Variants in IFT57 observed in about 807,000 individuals in gnomAD.
IFT57 encodes the protein intraflagellar transport 57.
IFT57 carries 59 observed loss-of-function variants against 56.8 expected under a neutral mutation model. The ratio of observed to expected loss-of-function variants is 1.04; its 90% CI spans 0.84 to 1.29. The LOEUF is 1.29. Among genes scored for constraint, IFT57 ranks in the 50% most tolerant of loss-of-function variants. The pLI is 0.00. For synonymous variants in IFT57, 209 were observed against 186.1 expected (o/e 1.12, Z -1.00); for missense variants, 470 against 522.1 (o/e 0.90, Z 0.97).
intron 6 of IFT57, among the ~76,000 whole-genome samples, chr3:108,189,760 G>C (rs2080204693): frequency 7.4e-6 from 1 of 135,158 alleles, no homozygotes; most frequent in Admixed American, 7.3e-5. Flanking sequence ...CAGTAGTTTT[G>C]ACTCCTCAAA....
chr3:108,221,049 G>A (rs1054455479), intron 1 of IFT57, among the ~76,000 whole-genome samples: 1 of 152,132 alleles, frequency 6.6e-6, no homozygotes, highest in African/African-American at 2.4e-5. Context: ...AATAATCCCA[G>A]GACTACCTTT....
chr3:108,202,709 C>A, intron 5 of IFT57, among the ~76,000 whole-genome samples: 1 of 152,144 alleles, frequency 6.6e-6, no homozygotes, highest in South Asian at 2.1e-4. Context: ...TCACTAATTG[C>A]AGTTGTTGGC....
At position 108,222,120 on chromosome 3, in the gene IFT57, G is replaced by T; in HGVS notation, c.203C>A (p.Ala68Asp). ...EEFLRKSNLK[A>D]PSRHYFALPT... is the part of the protein sequence containing the mutation. ...GGACGCCGGCACCCACCTGGACGGG[G>T]CCTTCAGGTTGCTCTTCCGGAGGAA... Residue 68 changes from alanine (A) to aspartate (D), a missense_variant, in exon 1 of 11, where the codon GCC becomes GAC. Transcript: ENST00000264538. The T allele has an allele frequency of 6.2e-7, 1 of 1,603,434 alleles. No individual in the cohort carries two copies. Among genetic ancestry groups the T allele is most frequent in the Middle Eastern group, 1.7e-4 (1 of 6,048 alleles).
chr3:108,214,051 T>C, intron 3 of IFT57, 30 bp from the exon 4 acceptor site: 2 of 1,253,818 alleles, frequency 1.6e-6, no homozygotes, highest in Non-Finnish European at 2.3e-6. Context: ...CATGAGGTGA[T>C]AATTTTAATA....
intron 5 of IFT57, among the ~76,000 whole-genome samples, chr3:108,193,375 C>T (rs1164830983): frequency 2.6e-5 from 4 of 152,214 alleles, no homozygotes; most frequent in Non-Finnish European, 5.9e-5. Context: ...AAAGCCTATA[C>T]TGCTTTTTGT....
intron 6 of IFT57, among the ~76,000 whole-genome samples, chr3:108,182,911 G>GA (rs1398668732): frequency 6.6e-6 from 1 of 151,866 alleles, no homozygotes; most frequent in Non-Finnish European, 1.5e-5. Flanking sequence ...TTATAATTTG[G>GA]AAAAAATCTA....
At chr3:108,192,196 AGG>A (rs1274872648) in intron 5 of IFT57, among the ~76,000 whole-genome samples, 3 of 130,552 alleles carry the variant, frequency 2.3e-5, no homozygotes, top group Non-Finnish European at 5.0e-5. Context: ...AAAAAAAAAA[AGG>A]GAAACACTTA....
chr3:108,204,506 G>T (rs1412496884), intron 5 of IFT57, among the ~76,000 whole-genome samples: 5 of 152,148 alleles, frequency 3.3e-5, no homozygotes, highest in Non-Finnish European at 7.4e-5. Flanking sequence ...TGTCCAGAAG[G>T]AATCCCAGGT....
chr3:108,183,876 C>T (rs1576036681), intron 6 of IFT57, among the ~76,000 whole-genome samples: 2 of 152,080 alleles, frequency 1.3e-5, no homozygotes, highest in East Asian at 1.9e-4. Context: ...TATGCATTCA[C>T]CTTTTCTATT....
rs2108305532 is a variant in IFT57 at position 108,161,279 on chromosome 3, A to G, written c.*1198T>C. 1 of 151,136 alleles carries G rather than the reference A, an allele frequency of 6.6e-6. No individual in the cohort carries two copies. The highest frequency in any genetic ancestry group is 1.5e-5 in the Non-Finnish European group (1 of 67,710). 9.4% of individuals were successfully genotyped at this position (151,136 alleles called of 1,614,324 possible). A position where few individuals can be genotyped will look rare whatever the true frequency, so the allele number is the denominator to read the frequency against. On this transcript the variant is annotated 3_prime_UTR_variant, in exon 11 of 11. Transcript: ENST00000264538. ...CATATTTGTCATTGTATTGATTGTC[A>G]TCCTTTCAGGTAGTTTACATACACT...
intron 8 of IFT57, among the ~76,000 whole-genome samples, chr3:108,166,440 TG>T (rs2080063387): frequency 6.6e-6 from 1 of 151,156 alleles, no homozygotes; most frequent in African/African-American, 2.4e-5. Flanking sequence ...CCTTATTATG[TG>T]GTTGTAAGCC....
chr3:108,175,658 T>A (rs2080120074), intron 6 of IFT57, among the ~76,000 whole-genome samples: 2 of 151,802 alleles, frequency 1.3e-5, no homozygotes, highest in South Asian at 4.1e-4. Flanking sequence ...TGTCTAGATC[T>A]CCAACTCAAT....
intron 4 of IFT57, among the ~76,000 whole-genome samples, chr3:108,209,408 T>C (rs1231319751): frequency 2.0e-5 from 3 of 152,178 alleles, no homozygotes; most frequent in Admixed American, 2.0e-4. Context: ...ATTATAACCA[T>C]GCTATGTATG....
intron 6 of IFT57, among the ~76,000 whole-genome samples, chr3:108,178,392 A>C (rs11922835): frequency 6.6e-6 from 1 of 152,012 alleles, no homozygotes; most frequent in South Asian, 2.1e-4. Flanking sequence ...TTCTTAAAAC[A>C]TAAGTATTAG....
intron 3 of IFT57, among the ~76,000 whole-genome samples, chr3:108,216,466 C>G (rs988822552): frequency 2.0e-5 from 3 of 152,082 alleles, no homozygotes; most frequent in Admixed American, 6.6e-5. Flanking sequence ...CCCTCGCCCC[C>G]CAAAATAACA....
intron 6 of IFT57, among the ~76,000 whole-genome samples, chr3:108,170,292 T>A (rs1416569134): frequency 6.6e-6 from 1 of 152,006 alleles, no homozygotes; most frequent in African/African-American, 2.4e-5. Flanking sequence ...ATAAGCAACT[T>A]CAGCAAAGTC....
intron 3 of IFT57, among the ~76,000 whole-genome samples, chr3:108,217,429 CT>C (rs1469549264): frequency 1.3e-5 from 2 of 151,958 alleles, no homozygotes; most frequent in Non-Finnish European, 2.9e-5. Flanking sequence ...AACTTATCTT[CT>C]CTTGAAATTT....
chr3:108,198,138 T>G (rs1301642552), intron 5 of IFT57, among the ~76,000 whole-genome samples: 1 of 152,138 alleles, frequency 6.6e-6, no homozygotes, highest in Non-Finnish European at 1.5e-5. Flanking sequence ...GTTACATGAC[T>G]TTTTCAATGT....
At chr3:108,205,986 TAATATA>T (rs1310684881) in intron 5 of IFT57, among the ~76,000 whole-genome samples, 2 of 32,172 alleles carry the variant, frequency 6.2e-5, no homozygotes, top group Non-Finnish European at 2.8e-4. Flanking sequence ...ATATAATATA[TAATATA>T]TTTATGTTAT....
Sources: gnomAD v4.1 joint callset for allele counts (sites outside exome capture counted in the v4.1 genomes callset) on GRCh38, gnomAD v4.1.1 for gene constraint, MANE v1.5 for transcripts, NCBI Gene and HGNC (gene_info 2026-07-23, HGNC 2026-07-21) for gene names.